The following PRELID2 variants were observed in gnomAD, a reference collection of about 807,000 sequenced individuals.
PRELID2 encodes the protein PRELI domain containing 2.
Under a neutral mutation model 28.4 loss-of-function variants are expected in PRELID2, and 25 were observed. The ratio of observed to expected loss-of-function variants is 0.88; its 90% CI spans 0.64 to 1.23. PRELID2 has a LOEUF of 1.23. Ranked by LOEUF, PRELID2 falls within the 50% of genes most tolerant of loss-of-function variation. The probability of loss-of-function intolerance (pLI) is 0.00; values close to 1 mark genes in which losing one functional copy is unlikely to be tolerated. For missense variants in PRELID2, 201 were observed against 214.4 expected, an observed-to-expected ratio of 0.94 and a Z score of 0.39; for synonymous variants, 76 against 71.6, an observed-to-expected ratio of 1.06 and a Z score of -0.31.
chr5:145,433,113 C>A, the PRELID2 span, among the ~76,000 whole-genome samples: 1 of 152,084 alleles, frequency 6.6e-6, no homozygotes, highest in African/African-American at 2.4e-5. Context: ...AACATCCATT[C>A]CCTCTGTCTA....
chr5:145,256,586 G>A, the PRELID2 span, among the ~76,000 whole-genome samples: 2 of 151,894 alleles, frequency 1.3e-5, no homozygotes, highest in Non-Finnish European at 2.9e-5. Context: ...CTTTGTGGGA[G>A]GGGACATTAT....
intron 1 of PRELID2, among the ~76,000 whole-genome samples, chr5:145,647,661 T>C (rs533983857): frequency 6.6e-6 from 1 of 152,340 alleles, no homozygotes; most frequent in East Asian, 1.9e-4. Flanking sequence ...CCCAAGGCCC[T>C]GGTGGCAAAG....
rs1477483876 is a variant in PRELID2, at chr5:145,478,858, T to C, written n.71-5543A>G. 2.0e-5 allele frequency among the ~76,000 whole-genome samples: 3 copies of C among 152,192 alleles called. No individual in the cohort carries two copies. The East Asian group carries it at 5.8e-4, about 29-fold the overall frequency. Reference sequence around the variant, plus strand: ...TGGGACCAGCCCAAACTGGATCTACTCTGTTGATAACAAAATATCAGGTTG... The same window carrying C: ...TGGGACCAGCCCAAACTGGATCTACCCTGTTGATAACAAAATATCAGGTTG... On this transcript the variant is annotated intron_variant and non_coding_transcript_variant, in intron 1 of 2. Coordinates refer to the PRELID2 transcript ENST00000510259.
chr5:145,460,137 A>C, the PRELID2 span, among the ~76,000 whole-genome samples: 2 of 152,162 alleles, frequency 1.3e-5, no homozygotes, highest in African/African-American at 2.4e-5. Context: ...AAAAATGACC[A>C]AGAGTTATCA....
intron 1 of PRELID2, among the ~76,000 whole-genome samples, chr5:145,510,437 C>T (rs748723098): frequency 1.6e-4 from 25 of 152,178 alleles, no homozygotes; most frequent in African/African-American, 5.3e-4. Context: ...CTCTTCCTAG[C>T]GGCCTGCAGT....
At chr5:145,410,615 A>G in the PRELID2 span, among the ~76,000 whole-genome samples, 4 of 152,250 alleles carry the variant, frequency 2.6e-5, no homozygotes, top group East Asian at 7.7e-4. Context: ...TAAAACCATC[A>G]GATCTCATGA....
chr5:145,240,694 G>A, the PRELID2 span, among the ~76,000 whole-genome samples: 1 of 151,858 alleles, frequency 6.6e-6, no homozygotes, highest in African/African-American at 2.4e-5. Context: ...TGGGCCAAAG[G>A]GCAAATCCCA....
At chr5:145,793,857 C>A (rs1427402844) in intron 5 of PRELID2, among the ~76,000 whole-genome samples, 1 of 151,984 alleles carries the variant, frequency 6.6e-6, no homozygotes, top group African/African-American at 2.4e-5. Flanking sequence ...AACATAAAAT[C>A]AAAGTGGGAT....
chr5:145,383,045 C>A, the PRELID2 span, among the ~76,000 whole-genome samples: 1 of 151,608 alleles, frequency 6.6e-6, no homozygotes, highest in South Asian at 2.1e-4. Context: ...GTTAAGATAT[C>A]ATTTCCTCCA....
the PRELID2 span, among the ~76,000 whole-genome samples, chr5:145,318,847 A>G: frequency 2.0e-5 from 3 of 152,216 alleles, no homozygotes; most frequent in Non-Finnish European, 4.4e-5. Flanking sequence ...AGGGAAAATC[A>G]GGTCACACAG....
At chr5:145,527,836 A>G (rs1752622384) in intron 1 of PRELID2, among the ~76,000 whole-genome samples, 1 of 152,172 alleles carries the variant, frequency 6.6e-6, no homozygotes, top group South Asian at 2.1e-4. Flanking sequence ...ATATGGTAAC[A>G]CTTAGAAGAG....
At chr5:145,485,492 G>C (rs1037717221) in intron 1 of PRELID2, among the ~76,000 whole-genome samples, 1 of 152,192 alleles carries the variant, frequency 6.6e-6, no homozygotes, top group African/African-American at 2.4e-5. Flanking sequence ...TATGTAGAGC[G>C]TGTTTGCCTG....
downstream of PRELID2, among the ~76,000 whole-genome samples, chr5:145,467,764 A>ATT (rs35060118): frequency 0.029 from 4,223 of 145,356 alleles, 79 homozygotes; most frequent in South Asian, 0.054. Context: ...GACTTTACAG[A>ATT]TTTTTTTTTT....
intron 1 of PRELID2, among the ~76,000 whole-genome samples, chr5:145,589,171 T>A (rs1161827285): frequency 6.6e-6 from 1 of 152,192 alleles, no homozygotes; most frequent in African/African-American, 2.4e-5. Flanking sequence ...GGTGCATAAC[T>A]GTATTTTTGC....
the PRELID2 span, among the ~76,000 whole-genome samples, chr5:145,347,231 C>T: frequency 1.3e-5 from 2 of 152,148 alleles, no homozygotes; most frequent in African/African-American, 4.8e-5. Flanking sequence ...GTGTCTATGG[C>T]CAAGCCTGGC....
rs1426681504 is a variant in PRELID2, at chr5:145,491,535, T to C, written n.71-18220A>G. 2.0e-5 allele frequency among the ~76,000 whole-genome samples: 3 copies of C among 152,164 alleles called. No homozygotes were observed. The South Asian group carries it at 6.2e-4, about 32-fold the overall frequency. On this transcript the variant is annotated intron_variant and non_coding_transcript_variant, in intron 1 of 2. Coordinates refer to the PRELID2 transcript ENST00000510259. ...TAACATATGCATTACCTTACATAGTTATCATTTTTGTGGTAACACTTAACA... is the reference window on the plus strand; with the variant it reads ...TAACATATGCATTACCTTACATAGTCATCATTTTTGTGGTAACACTTAACA...
chr5:145,300,001 T>G, the PRELID2 span, among the ~76,000 whole-genome samples: 1 of 152,126 alleles, frequency 6.6e-6, no homozygotes, highest in East Asian at 1.9e-4. Context: ...TTTCATTTCA[T>G]TATGAACTCA....
chr5:145,308,554 C>T, the PRELID2 span, among the ~76,000 whole-genome samples: 1 of 151,970 alleles, frequency 6.6e-6, no homozygotes, highest in Non-Finnish European at 1.5e-5. Context: ...ACTCTGCCAC[C>T]ATATAGATCT....
At chr5:145,755,638 G>C (rs149430997), downstream of PRELID2, among the ~76,000 whole-genome samples, 1 of 152,140 alleles carries the variant, frequency 6.6e-6, no homozygotes, top group Non-Finnish European at 1.5e-5. Flanking sequence ...ATTTGATAGA[G>C]CTTATTCTGA....
Sources: gnomAD v4.1 joint callset for allele counts (sites outside exome capture counted in the v4.1 genomes callset) on GRCh38, gnomAD v4.1.1 for gene constraint, MANE v1.5 for transcripts, NCBI Gene and HGNC (gene_info 2026-07-23, HGNC 2026-07-21) for gene names.